RGS6: variants seen among roughly 807,000 people sequenced by gnomAD.
The protein encoded by RGS6 is regulator of G protein signaling 6, also known as regulator of G-protein signaling 6.
A neutral mutation model predicts 78.5 loss-of-function variants in RGS6; 30 were observed. That is an observed-to-expected ratio of 0.38 (90% CI 0.29 to 0.52). The LOEUF is 0.52. Among genes scored for constraint, RGS6 ranks in the 20% least tolerant of loss-of-function variants. The pLI, the probability that RGS6 is intolerant of heterozygous loss-of-function variation, is 0.85. For synonymous variants in RGS6, 206 were observed against 206.0 expected, an observed-to-expected ratio of 1.00 and a Z score of 0.00; for missense variants, 495 against 609.7, an observed-to-expected ratio of 0.81 and a Z score of 1.98.
chr14:72,195,732 G>A (rs2153727212), intron 2 of RGS6, among the ~76,000 whole-genome samples: 1 of 152,338 alleles, frequency 6.6e-6, no homozygotes, highest in East Asian at 1.9e-4. Flanking sequence ...TTACCCTGTT[G>A]TTAGCTATTT....
intron 14 of RGS6, among the ~76,000 whole-genome samples, chr14:72,516,209 C>T (rs2153457052): frequency 6.6e-6 from 1 of 152,358 alleles, no homozygotes; most frequent in African/African-American, 2.4e-5. Flanking sequence ...GCAGAGAAAG[C>T]CTTGTAGGTA....
At chr14:71,891,553 C>G in the RGS6 span, among the ~76,000 whole-genome samples, 2 of 152,156 alleles carry the variant, frequency 1.3e-5, no homozygotes, top group African/African-American at 4.8e-5. Flanking sequence ...TAAATGGAAG[C>G]TAAAAGCTTC....
chr14:72,116,981 AAAAAAAG>A (rs1270588594), intron 2 of RGS6, among the ~76,000 whole-genome samples: 2 of 151,094 alleles, frequency 1.3e-5, no homozygotes, highest in Non-Finnish European at 2.9e-5. Context: ...AAAAAAAAAA[AAAAAAAG>A]AGAGTTTAAA....
At chr14:72,096,128 C>A (rs2095401287) in intron 2 of RGS6, among the ~76,000 whole-genome samples, 1 of 152,008 alleles carries the variant, frequency 6.6e-6, no homozygotes, top group Admixed American at 6.5e-5. Context: ...AAAAAATTAG[C>A]TGAGTGCGGT....
the RGS6 span, among the ~76,000 whole-genome samples, chr14:71,923,431 T>C: frequency 6.6e-6 from 1 of 151,802 alleles, no homozygotes; most frequent in East Asian, 1.9e-4. Context: ...ATTAAAAAAA[T>C]TGTGATAGAG....
intron 2 of RGS6, among the ~76,000 whole-genome samples, chr14:72,013,291 A>AAC (rs1410772254): frequency 6.0e-5 from 9 of 151,006 alleles, no homozygotes; most frequent in African/African-American, 2.2e-4. Context: ...AAAAAAAAAA[A>AAC]AAACAACAAC....
intron 2 of RGS6, among the ~76,000 whole-genome samples, chr14:71,997,557 C>CA (rs988055469): frequency 6.6e-5 from 10 of 152,202 alleles, no homozygotes; most frequent in Middle Eastern, 3.4e-3. Flanking sequence ...TCTGTGTCCT[C>CA]AAAAAGGTTA....
At chr14:72,110,033 G>T (rs979605761) in intron 2 of RGS6, among the ~76,000 whole-genome samples, 4 of 152,228 alleles carry the variant, frequency 2.6e-5, no homozygotes, top group African/African-American at 9.6e-5. Flanking sequence ...CATTGAGTGT[G>T]TGCTGTTTTT....
At chr14:72,293,097 C>T (rs1470773823) in intron 2 of RGS6, among the ~76,000 whole-genome samples, 1 of 152,202 alleles carries the variant, frequency 6.6e-6, no homozygotes, top group Non-Finnish European at 1.5e-5. Context: ...AAACATCACT[C>T]TGTGCTAGTT....
At chr14:71,981,105 A>G (rs961587524) in intron 2 of RGS6, among the ~76,000 whole-genome samples, 5 of 149,026 alleles carry the variant, frequency 3.4e-5, no homozygotes, top group African/African-American at 9.8e-5. Flanking sequence ...CTTGGTTTTC[A>G]GCTCCATCAG....
At chr14:71,883,561 C>A in the RGS6 span, among the ~76,000 whole-genome samples, 1 of 152,176 alleles carries the variant, frequency 6.6e-6, no homozygotes, top group African/African-American at 2.4e-5. Context: ...TACTATAAGG[C>A]TGAGACCTAC....
intron 2 of RGS6, among the ~76,000 whole-genome samples, chr14:72,161,519 A>G (rs544235148): frequency 6.6e-6 from 1 of 152,276 alleles, no homozygotes; most frequent in South Asian, 2.1e-4. Context: ...TCGTGGTACC[A>G]TTTCCTCATT....
intron 17 of RGS6, among the ~76,000 whole-genome samples, chr14:72,559,630 G>A (rs947734839): frequency 6.6e-6 from 1 of 152,208 alleles, no homozygotes; most frequent in African/African-American, 2.4e-5. Flanking sequence ...AGCACCGCCT[G>A]GGTTGCTGAG....
rs573657251 is a variant in RGS6 at position 72,478,913 on chromosome 14, T to G, written c.854+584T>G. 3.2e-4 allele frequency among the ~76,000 whole-genome samples: 49 copies of G among 152,320 alleles called. 1 individual carries two copies. Among genetic ancestry groups the G allele is most frequent in the South Asian group, 1.0e-3 (5 of 4,812 alleles). ...TCCGTTAACTCATGGGAGACTCAAT[T>G]TTATCAACTAAATGGTCTGTTTTTT... On this transcript the variant is annotated intron_variant, in intron 12 of 17. Transcript: ENST00000553525.
intron 2 of RGS6, among the ~76,000 whole-genome samples, chr14:72,143,178 A>G (rs1320421183): frequency 1.3e-5 from 2 of 152,110 alleles, no homozygotes; most frequent in African/African-American, 2.4e-5. Context: ...GACCAGCCTG[A>G]CCAACATGAC....
At chr14:72,167,086 C>G (rs1224161107) in intron 2 of RGS6, among the ~76,000 whole-genome samples, 2 of 152,148 alleles carry the variant, frequency 1.3e-5, no homozygotes, top group Non-Finnish European at 2.9e-5. Context: ...GCTTTCGAGT[C>G]TCTGATGAGG....
chr14:71,976,710 C>T (rs539889358), intron 2 of RGS6, among the ~76,000 whole-genome samples: 13 of 152,006 alleles, frequency 8.6e-5, no homozygotes, highest in South Asian at 2.1e-4. Context: ...TGAATAATGC[C>T]GCAATAAACA....
chr14:72,377,365 A>G lies in RGS6; in HGVS notation c.184+25171A>G, dbSNP rs565407805. On this transcript the variant is annotated intron_variant, in intron 3 of 17. Coordinates refer to ENST00000553525, the MANE Select transcript of RGS6 (RefSeq NM_001204424.2). ...GAGAATATAACAATTGTAAACATAT[A>G]CACTTAACACTAGGGCACCTAGATA... Among the ~76,000 whole-genome samples, 148 of 152,322 alleles carry G rather than the reference A, an allele frequency of 9.7e-4. 5 individuals are homozygous for G. Among genetic ancestry groups the G allele is most frequent in the African/African-American group, 3.4e-3 (142 of 41,566 alleles).
chr14:72,426,511 T>G (rs919114066), intron 3 of RGS6, among the ~76,000 whole-genome samples: 2 of 152,346 alleles, frequency 1.3e-5, no homozygotes, highest in Non-Finnish European at 2.9e-5. Flanking sequence ...AAAGATACAT[T>G]TATTATTCCC....
Sources: allele counts gnomAD v4.1 joint callset (sites outside exome capture counted in the v4.1 genomes callset), GRCh38; gene constraint gnomAD v4.1.1; transcripts MANE v1.5; gene names NCBI Gene and HGNC (gene_info 2026-07-23, HGNC 2026-07-21).